The following NCAPD3 variants were observed in gnomAD, a reference collection of about 807,000 sequenced individuals.
NCAPD3 encodes the protein condensin-2 complex subunit D3.
Under a neutral mutation model 182.9 loss-of-function variants are expected in NCAPD3, and 105 were observed. The ratio of observed to expected loss-of-function variants is 0.57; its 90% confidence interval spans 0.49 to 0.68. NCAPD3 has a LOEUF of 0.68. Ranked by LOEUF, NCAPD3 falls within the 30% of genes least tolerant of loss-of-function variation. NCAPD3 has a pLI of 0.00. For missense variants in NCAPD3, 1,944 were observed against 1,837.0 expected, an observed-to-expected ratio of 1.06 and a Z score of -1.07; for synonymous variants, 815 against 679.9, an observed-to-expected ratio of 1.20 and a Z score of -3.09.
intron 31 of NCAPD3, 86 bp downstream of exon 31, chr11:134,157,842 C>A: frequency 7.3e-7 from 1 of 1,376,404 alleles, no homozygotes; most frequent in Non-Finnish European, 9.8e-7. Context: ...AGAAAACACA[C>A]CGCTTTGAAA....
At chr11:134,167,050 C>A (rs1336362165) in intron 27 of NCAPD3, among the ~76,000 whole-genome samples, 1 of 107,986 alleles carries the variant, frequency 9.3e-6, no homozygotes, top group Non-Finnish European at 1.8e-5. Context: ...GCTGCACACT[C>A]ACTAGTGAGA....
At chr11:134,191,407 C>CA (rs769723073) in intron 16 of NCAPD3, among the ~76,000 whole-genome samples, 2 of 152,076 alleles carry the variant, frequency 1.3e-5, no homozygotes, top group Admixed American at 6.6e-5. Flanking sequence ...CAATGATAAA[C>CA]AGAGATTGCA....
chr11:134,193,946 G>A, intron 15 of NCAPD3, 70 bp downstream of exon 15: 2 of 1,479,662 alleles, frequency 1.4e-6, no homozygotes, highest in Non-Finnish European at 1.9e-6. Flanking sequence ...TTAGCAGCAG[G>A]TAATTATTGT....
intron 26 of NCAPD3, 29 bp from the exon 27 acceptor site, chr11:134,168,224 A>G: frequency 6.3e-7 from 1 of 1,598,212 alleles, no homozygotes; most frequent in Non-Finnish European, 8.6e-7. Flanking sequence ...GAAAAACGTG[A>G]GCTTCTGAGA....
chr11:134,157,204 T>C (rs1943446260), intron 31 of NCAPD3, 109 bp from the exon 32 acceptor site: 4 of 787,844 alleles, frequency 5.1e-6, no homozygotes, highest in African/African-American at 3.5e-5. Flanking sequence ...AAATCACTAG[T>C]GTTTACAATT....
intron 2 of NCAPD3, among the ~76,000 whole-genome samples, chr11:134,219,794 T>C (rs748905940): frequency 5.3e-5 from 8 of 152,180 alleles, no homozygotes; most frequent in South Asian, 2.1e-4. Flanking sequence ...AGTTTAATAA[T>C]ATCAGATTTT....
chr11:134,171,095 A>G (rs1414137987), intron 24 of NCAPD3, among the ~76,000 whole-genome samples: 1 of 152,180 alleles, frequency 6.6e-6, no homozygotes, highest in Non-Finnish European at 1.5e-5. Context: ...TGGATTAGGA[A>G]ACCTCCAGGA....
chr11:134,179,945 A>C (rs1401774216), intron 20 of NCAPD3, among the ~76,000 whole-genome samples: 1 of 152,144 alleles, frequency 6.6e-6, no homozygotes, highest in East Asian at 1.9e-4. Context: ...GCAAGAATGA[A>C]ACTATGTATA....
intron 29 of NCAPD3, 51 bp from the exon 30 acceptor site, chr11:134,158,546 A>C (rs770844149): frequency 6.4e-7 from 1 of 1,554,894 alleles, no homozygotes; most frequent in East Asian, 2.2e-5. Context: ...TTAAGTTTTC[A>C]AAAACGGATA....
Position 134,152,758 on chromosome 11 carries a change from G to GTGTT in NCAPD3, c.*182_*185dup, listed in dbSNP as rs1555123049. The GTGTT allele has an allele frequency of 2.2e-5, 11 of 507,354 alleles. No homozygotes were observed. Among genetic ancestry groups the GTGTT allele is most frequent in the Admixed American group, 1.1e-4 (3 of 27,462 alleles). 31.4% of individuals were successfully genotyped at this position (507,354 alleles called of 1,614,324 possible). A position where few individuals can be genotyped will look rare whatever the true frequency, so the allele number is the denominator to read the frequency against. On this transcript the variant is annotated 3_prime_UTR_variant, in exon 35 of 35. Coordinates refer to ENST00000534548, the MANE Select transcript of NCAPD3 (RefSeq NM_015261.3). ...TCTGGCACATCTCTATTATTTGACA[G>GTGTT]TGTTTAACCAAATACATCATACAGA... is the stretch of plus-strand genomic sequence containing the variant.
chr11:134,154,773 C>T (rs984762044), intron 32 of NCAPD3, among the ~76,000 whole-genome samples: 1 of 152,234 alleles, frequency 6.6e-6, no homozygotes, highest in African/African-American at 2.4e-5. Context: ...TCCCCGTTCT[C>T]CACTTGGTGT....
At chr11:134,169,655 A>G (rs1168371507) in intron 24 of NCAPD3, among the ~76,000 whole-genome samples, 1 of 152,200 alleles carries the variant, frequency 6.6e-6, no homozygotes, top group African/African-American at 2.4e-5. Flanking sequence ...TGCCCTCAAC[A>G]TATCTGTGCA....
At chr11:134,192,985 T>C (rs1005549550) in intron 15 of NCAPD3, 76 bp from the exon 16 acceptor site, 5 of 847,438 alleles carry the variant, frequency 5.9e-6, no homozygotes, top group African/African-American at 5.1e-5. Flanking sequence ...TTTGAGATGT[T>C]AAAAATAATC....
intron 29 of NCAPD3, 111 bp from the exon 30 acceptor site, chr11:134,158,606 G>A (rs952493274): frequency 1.7e-6 from 2 of 1,153,834 alleles, no homozygotes; most frequent in South Asian, 3.0e-5. Flanking sequence ...TGATACATGT[G>A]GACAACGTAA....
intron 16 of NCAPD3, among the ~76,000 whole-genome samples, chr11:134,189,146 T>G (rs1013015513): frequency 1.3e-5 from 2 of 152,224 alleles, no homozygotes; most frequent in Admixed American, 6.5e-5. Flanking sequence ...GAATACTCTG[T>G]TTCTGAATGT....
intron 3 of NCAPD3, among the ~76,000 whole-genome samples, chr11:134,214,385 C>T (rs1477136140): frequency 1.3e-5 from 2 of 152,066 alleles, no homozygotes. Flanking sequence ...AACATATCAT[C>T]GAAATTTGTG....
At position 134,152,892 on chromosome 11, in the gene NCAPD3, G is replaced by C. The variant is rs998593650; in HGVS notation, c.*52C>G. ...AGCTGCCTTCACACGGAGGACACGA[G>C]ACTGCTTCCTCAAGGGCTCCTGCCT... is the stretch of plus-strand genomic sequence containing the variant. On this transcript the variant is annotated 3_prime_UTR_variant, in exon 35 of 35. Coordinates refer to ENST00000534548, the MANE Select transcript of NCAPD3 (RefSeq NM_015261.3). The C allele has an allele frequency of 5.0e-6, 7 of 1,397,526 alleles. No homozygotes were observed. The highest frequency in any genetic ancestry group is 6.8e-6 in the Non-Finnish European group (7 of 1,026,392). The allele number at this position is 1,397,526 out of a possible 1,614,324, so 86.6% of individuals were successfully genotyped here. A position where few individuals can be genotyped will look rare whatever the true frequency, so the allele number is the denominator to read the frequency against.
Position 134,163,481 on chromosome 11 carries a change from C to G in NCAPD3, c.3574-1590G>C, listed in dbSNP as rs541959897. On this transcript the variant is annotated intron_variant, in intron 27 of 34. Coordinates refer to ENST00000534548, the MANE Select transcript of NCAPD3 (RefSeq NM_015261.3). Reference sequence around the variant, plus strand: ...TTGGAAGGCCGAGGCGGGCAGATCACGAGATCAGGAGATTGAGACCATCCT... The same window carrying G: ...TTGGAAGGCCGAGGCGGGCAGATCAGGAGATCAGGAGATTGAGACCATCCT... 2.6e-5 allele frequency among the ~76,000 whole-genome samples: 4 copies of G among 151,976 alleles called. No homozygotes were observed. The South Asian group carries it at 6.2e-4, about 24-fold the overall frequency.
intron 28 of NCAPD3, 38 bp from the exon 29 acceptor site, chr11:134,160,112 G>C: frequency 6.2e-7 from 1 of 1,601,498 alleles, no homozygotes. Flanking sequence ...ATGTTTTCTT[G>C]AATAAAAACG....
Sources: allele counts gnomAD v4.1 joint callset (sites outside exome capture counted in the v4.1 genomes callset), GRCh38; gene constraint gnomAD v4.1.1; transcripts MANE v1.5; gene names NCBI Gene and HGNC (gene_info 2026-07-23, HGNC 2026-07-21).